ENOX1: variants seen among roughly 807,000 people sequenced by gnomAD.
ENOX1 encodes ecto-NOX disulfide-thiol exchanger 1, also known as candidate growth-related and time keeping constitutive hydroquinone (NADH) oxidase.
Under a neutral mutation model 82.5 loss-of-function variants are expected in ENOX1, and 42 were observed. The ratio of observed to expected loss-of-function variants is 0.51; its 90% CI spans 0.40 to 0.66. The LOEUF is 0.66. Among genes scored for constraint, ENOX1 ranks in the 30% least tolerant of loss-of-function variants. ENOX1 has a pLI of 0.00. For synonymous variants in ENOX1, 271 were observed against 282.2 expected, an observed-to-expected ratio of 0.96 and a Z score of 0.40; for missense variants, 608 against 811.6, an observed-to-expected ratio of 0.75 and a Z score of 3.05.
At chr13:43,533,259 G>A (rs138113246) in intron 2 of ENOX1, among the ~76,000 whole-genome samples, 11 of 152,170 alleles carry the variant, frequency 7.2e-5, no homozygotes, top group Admixed American at 6.6e-4. Flanking sequence ...GAGGATCTAG[G>A]ACTAGATAAA....
chr13:43,363,883 A>G (rs1468533251), intron 5 of ENOX1, among the ~76,000 whole-genome samples: 1 of 152,232 alleles, frequency 6.6e-6, no homozygotes, highest in Non-Finnish European at 1.5e-5. Context: ...GTATTTTAAT[A>G]TACAGCAAGA....
In ENOX1 at chr13:43,412,919, T is replaced by G. The variant is rs759695970; in HGVS notation, c.-5A>C. ...AACTCCACCTGCATCTACCATTGAA[T>G]TATGAGTGTCCAGAGGGGCAGGAAC... On this transcript the variant is annotated 5_prime_UTR_variant, in exon 4 of 17. Transcript: ENST00000690772. 6.2e-7 allele frequency: 1 copy of G among 1,613,956 alleles called. No individual in the cohort carries two copies.
At chr13:43,504,392 A>G (rs2077080432) in intron 2 of ENOX1, among the ~76,000 whole-genome samples, 1 of 151,840 alleles carries the variant, frequency 6.6e-6, no homozygotes, top group Non-Finnish European at 1.5e-5. Context: ...AGCATTATTC[A>G]CAATAGGCAA....
At chr13:43,460,793 CAAAAAAAAAAAAAA>C (rs1312983530) in intron 3 of ENOX1, among the ~76,000 whole-genome samples, 1 of 25,726 alleles carries the variant, frequency 3.9e-5, no homozygotes, top group Non-Finnish European at 6.5e-5. Flanking sequence ...GACTCCATCT[CAAAAAAAAAAAAAA>C]AAAAAAAAAA....
intron 15 of ENOX1, among the ~76,000 whole-genome samples, chr13:43,224,569 C>G (rs2153452481): frequency 6.6e-6 from 1 of 152,290 alleles, no homozygotes; most frequent in African/African-American, 2.4e-5. Context: ...CTCAGATTTT[C>G]CTGATAATTA....
intron 15 of ENOX1, among the ~76,000 whole-genome samples, chr13:43,234,957 A>ATT (rs11368795): frequency 2.6e-5 from 4 of 152,198 alleles, no homozygotes; most frequent in African/African-American, 9.7e-5. Flanking sequence ...ACTGGTTCCC[A>ATT]TTTTTTTAAC....
chr13:43,382,733 A>G (rs980919546), intron 5 of ENOX1, among the ~76,000 whole-genome samples: 3 of 152,212 alleles, frequency 2.0e-5, no homozygotes, highest in Non-Finnish European at 4.4e-5. Flanking sequence ...AAGTATATAC[A>G]TATGTCAAAA....
intron 15 of ENOX1, 88 bp downstream of exon 15, chr13:43,236,548 T>C (rs2042560039): frequency 1.3e-6 from 1 of 769,028 alleles, no homozygotes; most frequent in African/African-American, 1.8e-5. Flanking sequence ...GCAATGCTGT[T>C]TAAATTAATA....
At chr13:43,248,174 C>T (rs1334432464) in intron 14 of ENOX1, among the ~76,000 whole-genome samples, 7 of 151,432 alleles carry the variant, frequency 4.6e-5, no homozygotes, top group African/African-American at 7.3e-5. Context: ...CGTGAGCCAC[C>T]GCGCCCGGCC....
chr13:43,755,456 T>C (rs866805446), intron 1 of ENOX1, among the ~76,000 whole-genome samples: 4 of 152,184 alleles, frequency 2.6e-5, no homozygotes, highest in African/African-American at 9.7e-5. Context: ...CGTGAAGCTC[T>C]AACACCTCTC....
intron 2 of ENOX1, among the ~76,000 whole-genome samples, chr13:43,567,048 T>C (rs1036508819): frequency 2.6e-5 from 4 of 152,142 alleles, no homozygotes; most frequent in Non-Finnish European, 5.9e-5. Context: ...AGAAATCAAT[T>C]TGTTTATTCA....
At chr13:43,742,090 C>A (rs1223584816) in intron 1 of ENOX1, among the ~76,000 whole-genome samples, 1 of 151,764 alleles carries the variant, frequency 6.6e-6, no homozygotes, top group Non-Finnish European at 1.5e-5. Flanking sequence ...ACAAAATGGG[C>A]AAGGGTAGAA....
intron 2 of ENOX1, among the ~76,000 whole-genome samples, chr13:43,575,935 A>T (rs1263475203): frequency 6.6e-6 from 1 of 152,264 alleles, no homozygotes; most frequent in Non-Finnish European, 1.5e-5. Flanking sequence ...AATATGTTGT[A>T]ATACATAAGT....
intron 1 of ENOX1, among the ~76,000 whole-genome samples, chr13:43,730,129 AT>A (rs1257015113): frequency 1.3e-5 from 2 of 152,058 alleles, no homozygotes; most frequent in East Asian, 3.9e-4. Flanking sequence ...TACTCTCACA[AT>A]TTTTCTACCA....
chr13:43,628,773 A>C (rs2083080652), intron 2 of ENOX1, among the ~76,000 whole-genome samples: 1 of 152,202 alleles, frequency 6.6e-6, no homozygotes, highest in Admixed American at 6.5e-5. Context: ...CCATAGGGGA[A>C]GGAAGAATGC....
chr13:43,702,829 T>C (rs2086985682), intron 1 of ENOX1, among the ~76,000 whole-genome samples: 1 of 151,766 alleles, frequency 6.6e-6, no homozygotes. Flanking sequence ...GGCAGGTGCC[T>C]GTAATCCCAG....
chr13:43,461,233 C>A (rs1263340983), intron 3 of ENOX1, among the ~76,000 whole-genome samples: 2 of 152,212 alleles, frequency 1.3e-5, no homozygotes, highest in African/African-American at 4.8e-5. Flanking sequence ...ATAGGCCTAG[C>A]AAGAGCTGTT....
At chr13:43,453,757 G>T (rs901574464) in intron 3 of ENOX1, among the ~76,000 whole-genome samples, 4 of 152,336 alleles carry the variant, frequency 2.6e-5, no homozygotes, top group South Asian at 2.1e-4. Context: ...TAAGGGATAA[G>T]TGTATGTGAG....
At chr13:43,320,800 A>G (rs914943616) in intron 11 of ENOX1, among the ~76,000 whole-genome samples, 5 of 152,214 alleles carry the variant, frequency 3.3e-5, no homozygotes, top group Non-Finnish European at 5.9e-5. Flanking sequence ...ACAAAGGATG[A>G]AAGCGCTTTT....
Sources: gnomAD v4.1 joint callset for allele counts (sites outside exome capture counted in the v4.1 genomes callset) on GRCh38, gnomAD v4.1.1 for gene constraint, MANE v1.5 for transcripts, NCBI Gene and HGNC (gene_info 2026-07-23, HGNC 2026-07-21) for gene names.